LRMDA: variants seen among roughly 807,000 people sequenced by gnomAD.
LRMDA encodes leucine-rich melanocyte differentiation-associated protein.
Under a neutral mutation model 29.8 loss-of-function variants are expected in LRMDA, and 18 were observed. The observed-to-expected ratio is 0.60, with a 90% CI of 0.42 to 0.90. LRMDA has a LOEUF of 0.90. LRMDA is among the 40% of genes least tolerant of loss of function. The probability of loss-of-function intolerance (pLI) is 0.00; values close to 1 mark genes in which losing one functional copy is unlikely to be tolerated. For synonymous variants in LRMDA, 125 were observed against 109.4 expected (o/e 1.14, Z -0.89); for missense variants, 273 against 273.9 (o/e 1.00, Z 0.02).
At chr10:76,543,732 T>C (rs1023817353) in intron 6 of LRMDA, among the ~76,000 whole-genome samples, 1 of 152,212 alleles carries the variant, frequency 6.6e-6, no homozygotes, top group Non-Finnish European at 1.5e-5. Context: ...AACGGATTGC[T>C]ACTTCTGCCA....
intron 6 of LRMDA, among the ~76,000 whole-genome samples, chr10:76,482,924 A>G (rs183602075): frequency 4.1e-4 from 59 of 144,132 alleles, no homozygotes; most frequent in African/African-American, 1.6e-3. Context: ...TTTTGGCATA[A>G]TGTTCCATAT....
At chr10:75,898,611 A>G (rs1458918840) in intron 2 of LRMDA, among the ~76,000 whole-genome samples, 3 of 149,642 alleles carry the variant, frequency 2.0e-5, no homozygotes, top group East Asian at 3.9e-4. Context: ...CTGCCCACTG[A>G]AAAAAAAAAC....
chr10:76,096,828 T>A (rs1186719051), intron 5 of LRMDA, among the ~76,000 whole-genome samples: 1 of 152,148 alleles, frequency 6.6e-6, no homozygotes, highest in Non-Finnish European at 1.5e-5. Context: ...GTTAGATTTG[T>A]ACATAAATAT....
At chr10:76,176,649 C>T (rs772083384) in intron 5 of LRMDA, among the ~76,000 whole-genome samples, 23 of 152,040 alleles carry the variant, frequency 1.5e-4, no homozygotes, top group Non-Finnish European at 2.8e-4. Flanking sequence ...CAAAATTAGC[C>T]GGGTGTGGTG....
intron 5 of LRMDA, among the ~76,000 whole-genome samples, chr10:76,279,743 C>T (rs1333838465): frequency 6.6e-6 from 1 of 151,946 alleles, no homozygotes; most frequent in Non-Finnish European, 1.5e-5. Flanking sequence ...GACAGGGTTT[C>T]ACCATGTTGG....
chr10:75,507,477 C>A (rs947303080), intron 2 of LRMDA, among the ~76,000 whole-genome samples: 1 of 152,116 alleles, frequency 6.6e-6, no homozygotes, highest in Non-Finnish European at 1.5e-5. Flanking sequence ...GATATGGTGT[C>A]CCAATGAGTT....
chr10:76,508,579 C>T (rs565089866), intron 6 of LRMDA, among the ~76,000 whole-genome samples: 13 of 151,228 alleles, frequency 8.6e-5, no homozygotes, highest in Admixed American at 5.3e-4. Flanking sequence ...GGAGACTGTT[C>T]CATTTGACTC....
chr10:76,058,009 A>G (rs894790505), intron 4 of LRMDA, among the ~76,000 whole-genome samples: 1 of 152,248 alleles, frequency 6.6e-6, no homozygotes, highest in African/African-American at 2.4e-5. Context: ...GAATTCTTCC[A>G]GGGAAATGGA....
rs145227970 is a variant in LRMDA at position 76,162,470 on chromosome 10, A to G, written c.516+103687A>G. On this transcript the variant is annotated intron_variant, in intron 5 of 6. Coordinates refer to ENST00000611255, the MANE Select transcript of LRMDA (RefSeq NM_001305581.2). ...AAGAAAAGACATTTAATTGGCTCAC[A>G]GTCCTGCAGCCTGTACCAGAAGCAT... 1.2e-4 allele frequency among the ~76,000 whole-genome samples: 19 copies of G among 152,332 alleles called. No homozygotes were observed. The East Asian group carries it at 2.3e-3, about 19-fold the overall frequency.
chr10:76,283,666 AG>A (rs1300194330), intron 5 of LRMDA, among the ~76,000 whole-genome samples: 11 of 152,202 alleles, frequency 7.2e-5, no homozygotes, highest in Non-Finnish European at 1.2e-4. Flanking sequence ...AACCCCAGAA[AG>A]GGAGTATTAT....
At chr10:76,018,884 G>A (rs952809561) in intron 2 of LRMDA, among the ~76,000 whole-genome samples, 1 of 152,066 alleles carries the variant, frequency 6.6e-6, no homozygotes, top group Non-Finnish European at 1.5e-5. Context: ...AGACTCTTAA[G>A]ACATAAAGTG....
intron 2 of LRMDA, among the ~76,000 whole-genome samples, chr10:75,857,382 C>A (rs1297085050): frequency 6.6e-6 from 1 of 152,172 alleles, no homozygotes; most frequent in Non-Finnish European, 1.5e-5. Context: ...ATCCTCTCAC[C>A]ACCTGGTGTG....
At chr10:76,504,116 A>T (rs1050853791) in intron 6 of LRMDA, among the ~76,000 whole-genome samples, 15 of 151,576 alleles carry the variant, frequency 9.9e-5, no homozygotes, top group African/African-American at 3.6e-4. Flanking sequence ...AAGTTGTTTA[A>T]TTTCTCTGTA....
At chr10:76,207,889 G>T (rs1047898432) in intron 5 of LRMDA, among the ~76,000 whole-genome samples, 1 of 152,014 alleles carries the variant, frequency 6.6e-6, no homozygotes, top group Non-Finnish European at 1.5e-5. Context: ...ACTTGAACCC[G>T]GGAGGCAGAG....
intron 6 of LRMDA, among the ~76,000 whole-genome samples, chr10:76,365,071 T>TATACAC (rs1256120614): frequency 2.2e-3 from 199 of 91,526 alleles, no homozygotes; most frequent in African/African-American, 7.4e-3. Context: ...CGTATATATA[T>TATACAC]ACACACACAC....
At chr10:75,686,680 A>G (rs186051697) in intron 2 of LRMDA, among the ~76,000 whole-genome samples, 6 of 152,324 alleles carry the variant, frequency 3.9e-5, no homozygotes. Context: ...TGTTCTATGA[A>G]CTACAGCCAT....
At chr10:75,630,453 C>G (rs1841309026) in intron 2 of LRMDA, among the ~76,000 whole-genome samples, 1 of 152,224 alleles carries the variant, frequency 6.6e-6, no homozygotes, top group Non-Finnish European at 1.5e-5. Context: ...AAATGTCTGT[C>G]TTGCAGTTTC....
At chr10:75,624,336 A>G (rs1316491380) in intron 2 of LRMDA, among the ~76,000 whole-genome samples, 1 of 152,204 alleles carries the variant, frequency 6.6e-6, no homozygotes, top group Non-Finnish European at 1.5e-5. Flanking sequence ...TGGAGAGAAT[A>G]GTTAATATAC....
chr10:75,912,231 A>G (rs759779972), intron 2 of LRMDA, among the ~76,000 whole-genome samples: 2 of 152,142 alleles, frequency 1.3e-5, no homozygotes, highest in Non-Finnish European at 2.9e-5. Context: ...CTCCCCAAAA[A>G]TGCTTTCACC....
Sources: gnomAD v4.1 joint callset for allele counts (sites outside exome capture counted in the v4.1 genomes callset) on GRCh38, gnomAD v4.1.1 for gene constraint, MANE v1.5 for transcripts, NCBI Gene and HGNC (gene_info 2026-07-23, HGNC 2026-07-21) for gene names.